Variants in EXTL3 observed in about 807,000 individuals in gnomAD.
EXTL3 encodes the protein exostosin-like 3.
A neutral mutation model predicts 69.3 loss-of-function variants in EXTL3; 27 were observed. The ratio of observed to expected loss-of-function variants is 0.39; its 90% CI spans 0.29 to 0.54. The LOEUF is 0.54. Ranked by LOEUF, EXTL3 falls within the 20% of genes least tolerant of loss-of-function variation. EXTL3 has a pLI of 0.69. For synonymous variants in EXTL3, 511 were observed against 499.4 expected (o/e 1.02, Z -0.31); for missense variants, 1,003 against 1,231.8 (o/e 0.81, Z 2.78).
chr8:28,725,590 C>G (rs1801395525), intron 3 of EXTL3, among the ~76,000 whole-genome samples: 1 of 152,156 alleles, frequency 6.6e-6, no homozygotes, highest in Non-Finnish European at 1.5e-5. Context: ...CCCATTCATT[C>G]ATTTATAAAA....
chr8:28,658,747 A>G (rs1038155981), intron 1 of EXTL3, among the ~76,000 whole-genome samples: 3 of 151,946 alleles, frequency 2.0e-5, no homozygotes, highest in Admixed American at 1.3e-4. Flanking sequence ...TGCCTGGCTA[A>G]TTTTTGTATT....
chr8:28,634,939 G>A (rs944824911), intron 1 of EXTL3, among the ~76,000 whole-genome samples: 1 of 151,962 alleles, frequency 6.6e-6, no homozygotes, highest in Non-Finnish European at 1.5e-5. Context: ...CCTACCACCT[G>A]TCACTCTGCA....
intron 3 of EXTL3, 57 bp from the exon 4 acceptor site, chr8:28,731,166 T>C: frequency 6.2e-7 from 1 of 1,611,908 alleles, no homozygotes; most frequent in South Asian, 1.1e-5. Context: ...ATACAGATTT[T>C]GTTTGGCCTT....
chr8:28,702,859 ACT>A (rs935895600), intron 1 of EXTL3, among the ~76,000 whole-genome samples: 2 of 151,796 alleles, frequency 1.3e-5, no homozygotes, highest in East Asian at 1.9e-4. Context: ...AGCCATGCAG[ACT>A]CTGCAGTTTT....
chr8:28,652,533 G>A (rs185094274), intron 1 of EXTL3, among the ~76,000 whole-genome samples: 16 of 152,028 alleles, frequency 1.1e-4, no homozygotes, highest in African/African-American at 3.9e-4. Context: ...GCATGCCTAT[G>A]GACTCAGCTA....
chr8:28,609,301 G>A lies in EXTL3; in HGVS notation n.314+1543G>A, dbSNP rs543748169. Among the ~76,000 whole-genome samples the A allele has an allele frequency of 3.0e-4, 46 of 152,094 alleles. 1 individual carries two copies. The South Asian group carries it at 9.4e-3, about 31-fold the overall frequency. Reference sequence around the variant, plus strand: ...AATCGTTGGAAAGCTGTAAGCAGAGGGAAAACTTGATATGGTGCATATTTT... The same window carrying A: ...AATCGTTGGAAAGCTGTAAGCAGAGAGAAAACTTGATATGGTGCATATTTT... On this transcript the variant is annotated intron_variant and non_coding_transcript_variant, in intron 2 of 4. Coordinates refer to the EXTL3 transcript ENST00000522725.
intron 1 of EXTL3, among the ~76,000 whole-genome samples, chr8:28,688,695 G>T (rs1800566132): frequency 1.3e-5 from 2 of 152,168 alleles, no homozygotes; most frequent in Admixed American, 1.3e-4. Flanking sequence ...ATTTTCCCCA[G>T]GCCTGAGACT....
chr8:28,737,504 C>T lies in EXTL3; in HGVS notation c.2277-15C>T, dbSNP rs544827563. 4.3e-6 allele frequency: 7 copies of T among 1,613,950 alleles called. No homozygotes were observed. The South Asian group carries it at 7.7e-5, about 18-fold the overall frequency. On this transcript the variant is annotated splice_polypyrimidine_tract_variant and intron_variant, in intron 4 of 6. Coordinates refer to ENST00000220562, the MANE Select transcript of EXTL3 (RefSeq NM_001440.4). ...CTCTGTATTCAGGTCTGTGTATGCA[C>T]TTGTGTTTTTCAAGGGTGTGGAGAG...
At chr8:28,724,799 C>CAAT (rs796548792) in intron 3 of EXTL3, among the ~76,000 whole-genome samples, 2 of 151,962 alleles carry the variant, frequency 1.3e-5, no homozygotes, top group South Asian at 2.1e-4. Context: ...GACTCCATCT[C>CAAT]AATAATAATA....
At position 28,731,883 on chromosome 8, in the gene EXTL3, A is replaced by AATG. The variant is rs111755341; in HGVS notation, c.2276+552_2276+554dup. Among the ~76,000 whole-genome samples the AATG allele has an allele frequency of 6.0e-3, 909 of 151,784 alleles. 8 individuals carry two copies. The highest frequency in any genetic ancestry group is 0.012 in the Admixed American group (190 of 15,228). On this transcript the variant is annotated intron_variant, in intron 4 of 6. Transcript: ENST00000220562. ...GGGAGGAGGAAAAGGAGGTGGTGGT[A>AATG]ATGATGATGATGATGATGATGGTAA...
chr8:28,660,914 T>TA (rs200828163), intron 1 of EXTL3, among the ~76,000 whole-genome samples: 1,584 of 32,390 alleles, frequency 0.049, 57 homozygotes, highest in African/African-American at 0.17. Flanking sequence ...TGTTCGTTTC[T>TA]TTTTTTTTTT....
intron 1 of EXTL3, among the ~76,000 whole-genome samples, chr8:28,688,072 T>TC: frequency 6.6e-6 from 1 of 151,406 alleles, no homozygotes; most frequent in East Asian, 1.9e-4. Flanking sequence ...TTTTTTTTTT[T>TC]TTTTTTGAGA....
At chr8:28,618,455 G>A (rs953003092), upstream of EXTL3, among the ~76,000 whole-genome samples, 5 of 152,204 alleles carry the variant, frequency 3.3e-5, no homozygotes, top group East Asian at 3.8e-4. Flanking sequence ...AACTAAGCTC[G>A]TTGGGAAATG....
intron 1 of EXTL3, among the ~76,000 whole-genome samples, chr8:28,656,412 C>CT (rs1192067520): frequency 6.6e-6 from 1 of 152,184 alleles, no homozygotes; most frequent in Non-Finnish European, 1.5e-5. Context: ...ATCTGCCTGA[C>CT]TCAGCTTCCC....
At position 28,717,176 on chromosome 8, in the gene EXTL3, G is replaced by A. The variant is rs762001581; in HGVS notation, c.1117G>A (p.Ala373Thr). ...AGAGGAAATGGAGGGCGACCCTCCC[G>A]CCGACTACGATGACCGGATCATTGC... ...FEEEMEGDPP[A>T]DYDDRIIATL... Residue 373 changes from alanine (A) to threonine (T), a missense_variant, in exon 3 of 7, where the codon GCC (alanine) becomes ACC (threonine). By Grantham distance (58) the Ala-to-Thr change is moderately conservative. This residue lies in a region of EXTL3 where 742 missense variants were observed against 815.4 expected (regional missense o/e 0.91). Coordinates refer to ENST00000220562, the MANE Select transcript of EXTL3 (RefSeq NM_001440.4). This position sits in a 1 kb window ranked among gnomAD's most constrained non-coding sequence, Gnocchi z 8.3. 20 of 1,614,092 alleles carry A rather than the reference G, an allele frequency of 1.2e-5. No homozygotes were observed. The highest frequency in any genetic ancestry group is 1.7e-5 in the Non-Finnish European group (20 of 1,180,050).
chr8:28,635,572 A>T (rs1370937867), intron 1 of EXTL3, among the ~76,000 whole-genome samples: 1 of 151,162 alleles, frequency 6.6e-6, no homozygotes, highest in East Asian at 1.9e-4. Context: ...TTAGCCAGGC[A>T]TAGTGGCGGG....
At chr8:28,736,061 T>C (rs1281015896) in intron 4 of EXTL3, among the ~76,000 whole-genome samples, 1 of 152,152 alleles carries the variant, frequency 6.6e-6, no homozygotes, top group African/African-American at 2.4e-5. Context: ...GAAAGAGTTC[T>C]GGAGATGGAT....
chr8:28,705,694 T>C (rs1282975290), intron 1 of EXTL3, among the ~76,000 whole-genome samples: 7 of 152,192 alleles, frequency 4.6e-5, no homozygotes, highest in Non-Finnish European at 1.0e-4. Context: ...AAAAATCATG[T>C]ATGTTTGAGA....
intron 6 of EXTL3, among the ~76,000 whole-genome samples, chr8:28,746,688 C>CT (rs3216299): frequency 0.24 from 36,559 of 151,742 alleles, 4,617 homozygotes; most frequent in East Asian, 0.33. Context: ...TTTTTTGTTT[C>CT]TTTTTTGAGA....
Sources: gnomAD v4.1 joint callset for allele counts (sites outside exome capture counted in the v4.1 genomes callset) on GRCh38, gnomAD v4.1.1 for gene constraint, gnomAD v4.1.1 regional missense constraint, Gnocchi (gnomAD v3.1) non-coding constraint, MANE v1.5 for transcripts, NCBI Gene and HGNC (gene_info 2026-07-23, HGNC 2026-07-21) for gene names.